ABI1: variants seen among roughly 807,000 people sequenced by gnomAD.
ABI1 encodes the protein abl interactor 1, also known as Abelson interactor 1.
A neutral mutation model predicts 54.6 loss-of-function variants in ABI1; 14 were observed. The ratio of observed to expected loss-of-function variants is 0.26; its 90% confidence interval spans 0.17 to 0.40. The LOEUF is 0.40. ABI1 is among the 10% of genes least tolerant of loss of function. The probability of loss-of-function intolerance (pLI) is 1.00; values close to 1 mark genes in which losing one functional copy is unlikely to be tolerated. For synonymous variants in ABI1, 194 were observed against 209.3 expected (o/e 0.93, Z 0.63); for missense variants, 443 against 598.3 (o/e 0.74, Z 2.71).
At chr10:26,812,516 C>T (rs2047304723) in intron 2 of ABI1, among the ~76,000 whole-genome samples, 1 of 152,006 alleles carries the variant, frequency 6.6e-6, no homozygotes, top group Admixed American at 6.5e-5. Flanking sequence ...AGTTTATATC[C>T]ATAATAGCTG....
chr10:26,824,479 C>T (rs1481735959), intron 1 of ABI1, among the ~76,000 whole-genome samples: 1 of 152,094 alleles, frequency 6.6e-6, no homozygotes, highest in Non-Finnish European at 1.5e-5. Flanking sequence ...ATATAACTAT[C>T]AATAGGAGAC....
intron 2 of ABI1, among the ~76,000 whole-genome samples, chr10:26,787,470 T>A (rs1842846998): frequency 6.6e-6 from 1 of 152,150 alleles, no homozygotes; most frequent in African/African-American, 2.4e-5. Context: ...TTCAAATTAC[T>A]TGAAAAATTC....
intron 1 of ABI1, among the ~76,000 whole-genome samples, chr10:26,834,144 C>T (rs1451567448): frequency 2.0e-5 from 3 of 152,128 alleles, no homozygotes; most frequent in Admixed American, 1.3e-4. Flanking sequence ...GCAGGAGAAT[C>T]GCTTGAACCC....
intron 7 of ABI1, among the ~76,000 whole-genome samples, chr10:26,760,302 C>G (rs1168783389): frequency 6.6e-6 from 1 of 152,082 alleles, no homozygotes; most frequent in Non-Finnish European, 1.5e-5. Flanking sequence ...ATCTAAACAA[C>G]AAACAATGAC....
intron 3 of ABI1, among the ~76,000 whole-genome samples, chr10:26,774,770 T>C (rs1246756790): frequency 1.3e-5 from 2 of 152,056 alleles, no homozygotes; most frequent in Non-Finnish European, 2.9e-5. Context: ...TCTTGGAGTA[T>C]GGCAATCGTA....
chr10:26,795,575 C>T (rs1844048898), intron 2 of ABI1, among the ~76,000 whole-genome samples: 1 of 151,860 alleles, frequency 6.6e-6, no homozygotes, highest in East Asian at 1.9e-4. Context: ...ACAAAATCAA[C>T]ATACAAAAAT....
chr10:26,849,323 A>G (rs1183088572), intron 1 of ABI1, among the ~76,000 whole-genome samples: 1 of 152,214 alleles, frequency 6.6e-6, no homozygotes, highest in Non-Finnish European at 1.5e-5. Context: ...AAAAAAAAAG[A>G]AAAAGGTTTA....
chr10:26,746,929 C>T lies in ABI1; in HGVS notation c.*1641G>A. 3.9e-6 allele frequency: 1 copy of T among 253,740 alleles called. No homozygotes were observed. The highest frequency in any genetic ancestry group is 7.7e-6 in the Non-Finnish European group (1 of 129,732). 15.7% of individuals were successfully genotyped at this position (253,740 alleles called of 1,614,324 possible). ...GAATGGTTTATTATAAAAGACTGTA[C>T]ATAAAATTTAGACAACAGGTTATAT... On this transcript the variant is annotated 3_prime_UTR_variant, in exon 11 of 11. Coordinates refer to ENST00000376140, the MANE Select transcript of ABI1 (RefSeq NM_001012750.3).
intron 6 of ABI1, among the ~76,000 whole-genome samples, chr10:26,767,348 G>C (rs1229245286): frequency 2.0e-5 from 3 of 152,098 alleles, no homozygotes; most frequent in Admixed American, 6.6e-5. Context: ...ACCCTATTTA[G>C]TGGAATTCCC....
At chr10:26,768,276 T>C (rs775343970) in intron 6 of ABI1, among the ~76,000 whole-genome samples, 18 of 152,026 alleles carry the variant, frequency 1.2e-4, no homozygotes, top group Non-Finnish European at 1.9e-4. Flanking sequence ...CTGGGCACAG[T>C]GGCTCACACC....
intron 2 of ABI1, among the ~76,000 whole-genome samples, chr10:26,800,794 GT>G: frequency 6.6e-6 from 1 of 152,058 alleles, no homozygotes; most frequent in Non-Finnish European, 1.5e-5. Context: ...ACTTTGGGAG[GT>G]CGGGAGTTCG....
At chr10:26,855,913 G>A (rs2050760851) in intron 1 of ABI1, among the ~76,000 whole-genome samples, 1 of 147,688 alleles carries the variant, frequency 6.8e-6, no homozygotes, top group Non-Finnish European at 1.5e-5. Context: ...GGAGATTGCA[G>A]TGAGCTGAGA....
intron 1 of ABI1, among the ~76,000 whole-genome samples, chr10:26,823,758 C>T (rs895468807): frequency 1.3e-5 from 2 of 152,136 alleles, no homozygotes; most frequent in African/African-American, 2.4e-5. Context: ...ATGATTCAAG[C>T]CTATCATGCC....
At chr10:26,848,491 T>C (rs896813006) in intron 1 of ABI1, among the ~76,000 whole-genome samples, 2 of 152,132 alleles carry the variant, frequency 1.3e-5, no homozygotes, top group African/African-American at 4.8e-5. Context: ...TATGAAACTT[T>C]TAGCAGCAAA....
intron 1 of ABI1, among the ~76,000 whole-genome samples, chr10:26,851,475 G>C (rs2050389968): frequency 6.8e-6 from 1 of 147,578 alleles, no homozygotes; most frequent in Non-Finnish European, 1.5e-5. Context: ...ACAGACTTGA[G>C]CCACTGCAGC....
chr10:26,843,464 AAAAAAAAAAAAAAAAAAAAAAAT>A (rs1327503506), intron 1 of ABI1, among the ~76,000 whole-genome samples: 1 of 79,366 alleles, frequency 1.3e-5, no homozygotes, highest in Non-Finnish European at 2.4e-5. Flanking sequence ...AAAAAAAAAA[AAAAAAAAAAAAAAAAAAAAAAAT>A]ATATATATAT....
intron 3 of ABI1, among the ~76,000 whole-genome samples, chr10:26,773,748 C>G (rs1360007186): frequency 6.6e-6 from 1 of 152,126 alleles, no homozygotes; most frequent in Non-Finnish European, 1.5e-5. Context: ...TAACCTCTAA[C>G]TAGGAACTTT....
At chr10:26,764,098 A>T in intron 7 of ABI1, 4 of 547,952 alleles carry the variant, frequency 7.3e-6, no homozygotes, top group Non-Finnish European at 1.2e-5. Flanking sequence ...ATGAGTATGA[A>T]TTTTGTACAT....
At chr10:26,820,172 A>G (rs1054032422) in intron 2 of ABI1, among the ~76,000 whole-genome samples, 36 of 152,228 alleles carry the variant, frequency 2.4e-4, no homozygotes, top group African/African-American at 8.4e-4. Flanking sequence ...CTAAAAGAGG[A>G]AATCTTAAAT....
Sources: gnomAD v4.1 joint callset for allele counts (sites outside exome capture counted in the v4.1 genomes callset) on GRCh38, gnomAD v4.1.1 for gene constraint, MANE v1.5 for transcripts, NCBI Gene and HGNC (gene_info 2026-07-23, HGNC 2026-07-21) for gene names.